PTGIS: variants seen among roughly 807,000 people sequenced by gnomAD.
PTGIS encodes prostaglandin I2 synthase.
A neutral mutation model predicts 50.3 loss-of-function variants in PTGIS; 45 were observed. The ratio of observed to expected loss-of-function variants is 0.90; its 90% CI spans 0.70 to 1.15. The LOEUF (loss-of-function observed/expected upper bound fraction) is 1.15, where lower values mean the gene tolerates loss of function less well. PTGIS is among the 50% of genes most tolerant of loss of function. PTGIS has a pLI of 0.00. For synonymous variants in PTGIS, 260 were observed against 267.7 expected (o/e 0.97, Z 0.28); for missense variants, 668 against 661.3 (o/e 1.01, Z -0.11).
intron 6 of PTGIS, among the ~76,000 whole-genome samples, chr20:49,515,241 C>T (rs567865426): frequency 3.3e-5 from 5 of 152,158 alleles, no homozygotes; most frequent in Admixed American, 6.5e-5. Context: ...GTGTTGTGTA[C>T]GTATAAAACA....
At chr20:49,534,083 C>T (rs1982007076) in intron 5 of PTGIS, among the ~76,000 whole-genome samples, 1 of 152,144 alleles carries the variant, frequency 6.6e-6, no homozygotes, top group African/African-American at 2.4e-5. Flanking sequence ...GTATGTCCCA[C>T]TCTGTTTTAG....
intron 6 of PTGIS, among the ~76,000 whole-genome samples, chr20:49,517,453 AGT>A (rs34021649): frequency 0.06 from 8,948 of 148,826 alleles, 732 homozygotes; most frequent in African/African-American, 0.18. Flanking sequence ...TGTGAGTGTG[AGT>A]GTGTGTGTGT....
rs973182799 is a variant in PTGIS, at chr20:49,540,446, T to G, written c.522-725A>C. The stretch of plus-strand genomic sequence containing the variant: ...TGGGAGAGGTGCCAGCTGTGGCTGG[T>G]GCAGGCACTGGAGCCGGGGTGTGAG... On this transcript the variant is annotated intron_variant, in intron 4 of 9. Coordinates refer to ENST00000244043, the MANE Select transcript of PTGIS (RefSeq NM_000961.4). The surrounding 1 kb of genome is among the most constrained non-coding windows in gnomAD (Gnocchi z 4.8). Among the ~76,000 whole-genome samples the G allele has an allele frequency of 6.6e-6, 1 of 151,430 alleles. No homozygotes were observed. Among genetic ancestry groups the G allele is most frequent in the Non-Finnish European group, 1.5e-5 (1 of 67,804 alleles).
At chr20:49,565,958 G>A (rs529308565) in intron 1 of PTGIS, among the ~76,000 whole-genome samples, 2 of 152,296 alleles carry the variant, frequency 1.3e-5, no homozygotes, top group South Asian at 2.1e-4. Flanking sequence ...AGCAGGGCGC[G>A]GTGACTCACG....
intron 4 of PTGIS, among the ~76,000 whole-genome samples, chr20:49,543,496 G>A (rs1449830236): frequency 6.6e-6 from 1 of 152,146 alleles, no homozygotes; most frequent in African/African-American, 2.4e-5. Context: ...CCGACTGCCT[G>A]AGGCCTGCTT....
At position 49,549,932 on chromosome 20, in the gene PTGIS, C is replaced by T. The variant is rs946090166; in HGVS notation, c.198+134G>A. 6 of 1,437,320 alleles carry T rather than the reference C, an allele frequency of 4.2e-6. No individual in the cohort carries two copies. The South Asian group carries it at 5.8e-5, about 14-fold the overall frequency. The allele number at this position is 1,437,320 out of a possible 1,614,324, so 89.0% of individuals were successfully genotyped here. A position where few individuals can be genotyped will look rare whatever the true frequency, so the allele number is the denominator to read the frequency against. On this transcript the variant is annotated intron_variant, in intron 2 of 9. Transcript: ENST00000244043. ...CAGGCAGCTGGATAGAAAGTTGGCT[C>T]GACCACTCAGATGGATGTTGGATGG...
chr20:49,527,014 C>T (rs571375012), intron 5 of PTGIS, among the ~76,000 whole-genome samples: 73 of 152,112 alleles, frequency 4.8e-4, no homozygotes, highest in Non-Finnish European at 9.4e-4. Context: ...AACAGATACT[C>T]GTGCACCAAT....
In PTGIS at chr20:49,536,454, TTTTC is replaced by T. The variant is rs1159152340; in HGVS notation, c.673+3112_673+3115del. On this transcript the variant is annotated intron_variant, in intron 5 of 9. Coordinates refer to ENST00000244043, the MANE Select transcript of PTGIS (RefSeq NM_000961.4). ...GCAAACAGTGCTTTTTCTTTTTTTC[TTTTC>T]TTTCTTTCTTTCTTTCTTTCTTTTT... Among the ~76,000 whole-genome samples the T allele has an allele frequency of 8.6e-3, 1,226 of 142,162 alleles. 4 individuals are homozygous for T. The highest frequency in any genetic ancestry group is 0.012 in the Non-Finnish European group (818 of 65,764). The allele number at this position is 142,162 out of a possible 152,430, so 93.3% of individuals were successfully genotyped here.
rs1338577778 is a variant in PTGIS, at chr20:49,513,130, AGAG to A, written c.1153_1155del (p.Leu385del). ...TCTCTCTGGGGGCTCAGGAAGGGGAAGAGGAGGAGGCGGTCACCACGTCGCAGG... is the reference window on the plus strand; with the variant it reads ...TCTCTCTGGGGGCTCAGGAAGGGGAAGAGGAGGCGGTCACCACGTCGCAGG... On this transcript the variant is annotated inframe_deletion, in exon 8 of 10. Transcript: ENST00000244043. 1.9e-6 allele frequency: 3 copies of A among 1,614,094 alleles called. No homozygotes were observed. Among genetic ancestry groups the A allele is most frequent in the Admixed American group, 3.3e-5 (2 of 60,016 alleles).
intron 1 of PTGIS, among the ~76,000 whole-genome samples, chr20:49,554,381 T>TA (rs951870959): frequency 6.6e-6 from 1 of 152,180 alleles, no homozygotes; most frequent in African/African-American, 2.4e-5. Flanking sequence ...AAAGCTGATA[T>TA]AAAAAAATTT....
intron 3 of PTGIS, among the ~76,000 whole-genome samples, chr20:49,545,014 G>A (rs1212143726): frequency 6.6e-6 from 1 of 152,242 alleles, no homozygotes; most frequent in Non-Finnish European, 1.5e-5. Context: ...GCTCCCACCT[G>A]TAATCCCAGC....
intron 5 of PTGIS, among the ~76,000 whole-genome samples, chr20:49,525,473 T>C (rs1017643300): frequency 6.6e-6 from 1 of 152,030 alleles, no homozygotes; most frequent in African/African-American, 2.4e-5. Context: ...TGAAAGTGAG[T>C]TAGTACATTT....
chr20:49,532,442 A>C (rs1022073384), intron 5 of PTGIS, among the ~76,000 whole-genome samples: 1 of 152,186 alleles, frequency 6.6e-6, no homozygotes, highest in African/African-American at 2.4e-5. Flanking sequence ...GCTGTAGCAG[A>C]GTGCCTGACC....
In PTGIS at chr20:49,514,292, G is replaced by A. The variant is rs776179739; in HGVS notation, c.959C>T (p.Ala320Val). 3.5e-5 allele frequency: 57 copies of A among 1,613,968 alleles called. No homozygotes were observed. Among genetic ancestry groups the A allele is most frequent in the African/African-American group, 5.3e-5 (4 of 74,930 alleles). The change falls in exon 7 of 10, where the codon GCG (alanine) becomes GTG (valine). Residue 320 changes from alanine to valine, a missense_variant. Transcript: ENST00000244043. ...RGELESILWQ[A>V]EQPVSQTTTL... Reference sequence around the variant, plus strand: ...GGTCGTCTGCGAGACAGGCTGCTCCGCTTGCCAAAGGATACTCTCGAGCTC... The same window carrying A: ...GGTCGTCTGCGAGACAGGCTGCTCCACTTGCCAAAGGATACTCTCGAGCTC...
chr20:49,567,813 C>T (rs1377426114), intron 1 of PTGIS, among the ~76,000 whole-genome samples: 1 of 152,234 alleles, frequency 6.6e-6, no homozygotes, highest in Non-Finnish European at 1.5e-5. Flanking sequence ...GGGGGACCTA[C>T]CGGACCCCGC....
intron 5 of PTGIS, among the ~76,000 whole-genome samples, chr20:49,526,897 G>T (rs964401237): frequency 1.3e-5 from 2 of 152,142 alleles, no homozygotes; most frequent in African/African-American, 2.4e-5. Flanking sequence ...TACTGCAGTT[G>T]CTGTGAAAAA....
chr20:49,518,923 A>G (rs1981570711), intron 6 of PTGIS, among the ~76,000 whole-genome samples: 1 of 152,158 alleles, frequency 6.6e-6, no homozygotes, highest in Admixed American at 6.5e-5. Flanking sequence ...AGGACCACCC[A>G]GGAATTTCCA....
chr20:49,514,137 C>T, intron 7 of PTGIS, 90 bp downstream of exon 7: 1 of 1,520,770 alleles, frequency 6.6e-7, no homozygotes, highest in Non-Finnish European at 9.0e-7. Context: ...CTGATGGACC[C>T]TGGAAGACAG....
rs967160767 is a variant in PTGIS at position 49,538,521 on chromosome 20, C to T, written c.673+1049G>A. Among the ~76,000 whole-genome samples, 11 of 152,164 alleles carry T rather than the reference C, an allele frequency of 7.2e-5. No individual in the cohort carries two copies. In the South Asian group the frequency reaches 1.7e-3, roughly 23 times the overall value. Reference sequence around the variant, plus strand: ...GAAAGAAGCCAGGCATAAAAGGGCACATACTGTGTGATTCCATTTCTAGGA... The same window carrying T: ...GAAAGAAGCCAGGCATAAAAGGGCATATACTGTGTGATTCCATTTCTAGGA... On this transcript the variant is annotated intron_variant, in intron 5 of 9. Transcript: ENST00000244043.
Sources: gnomAD v4.1 joint callset for allele counts (sites outside exome capture counted in the v4.1 genomes callset) on GRCh38, gnomAD v4.1.1 for gene constraint, Gnocchi (gnomAD v3.1) non-coding constraint, MANE v1.5 for transcripts, NCBI Gene and HGNC (gene_info 2026-07-23, HGNC 2026-07-21) for gene names.